SDK1: variants seen among roughly 807,000 people sequenced by gnomAD.
The protein encoded by SDK1 is protein sidekick-1.
In SDK1, 157 loss-of-function variants were observed where a neutral mutation model predicts 245.5. The observed-to-expected ratio is 0.64, with a 90% CI of 0.56 to 0.73. SDK1 has a LOEUF of 0.73. Ranked by LOEUF, SDK1 falls within the 30% of genes least tolerant of loss-of-function variation. SDK1 has a pLI of 0.00. For synonymous variants in SDK1, 1,647 were observed against 1,278.5 expected (o/e 1.29, Z -6.15); for missense variants, 3,583 against 3,002.3 (o/e 1.19, Z -4.52).
intron 1 of SDK1, among the ~76,000 whole-genome samples, chr7:3,537,182 A>G (rs1778913462): frequency 6.6e-6 from 1 of 152,164 alleles, no homozygotes; most frequent in Non-Finnish European, 1.5e-5. Flanking sequence ...ATCATCATGG[A>G]TTAGTGTTTT....
intron 1 of SDK1, among the ~76,000 whole-genome samples, chr7:3,560,577 T>A (rs533855112): frequency 6.6e-6 from 1 of 152,206 alleles, no homozygotes; most frequent in African/African-American, 2.4e-5. Context: ...ACTGGGTTTT[T>A]AGCTGGCCTG....
At chr7:3,422,126 T>TCATA (rs1779551340) in intron 1 of SDK1, among the ~76,000 whole-genome samples, 1 of 152,172 alleles carries the variant, frequency 6.6e-6, no homozygotes, top group Admixed American at 6.5e-5. Flanking sequence ...TTTCTGAATG[T>TCATA]CATAATACAG....
chr7:4,156,687 A>G (rs1490879974), intron 30 of SDK1, among the ~76,000 whole-genome samples: 2 of 152,208 alleles, frequency 1.3e-5, no homozygotes, highest in Non-Finnish European at 2.9e-5. Flanking sequence ...AAAAAGCAGA[A>G]TCCTTCCTTT....
chr7:3,527,133 T>C (rs372911440), intron 1 of SDK1, among the ~76,000 whole-genome samples: 1 of 152,260 alleles, frequency 6.6e-6, no homozygotes, highest in Non-Finnish European at 1.5e-5. Flanking sequence ...ATTTCTCTTT[T>C]ATAAAATGTT....
intron 5 of SDK1, among the ~76,000 whole-genome samples, chr7:3,929,900 G>A (rs909648447): frequency 6.6e-6 from 1 of 152,312 alleles, no homozygotes; most frequent in African/African-American, 2.4e-5. Context: ...TTCTCTTGAG[G>A]CCTCAGGAAG....
At chr7:4,160,957 A>G (rs1781074021) in intron 31 of SDK1, among the ~76,000 whole-genome samples, 1 of 152,240 alleles carries the variant, frequency 6.6e-6, no homozygotes. Flanking sequence ...TGCTAGATGC[A>G]CAAGTGTGCC....
intron 1 of SDK1, among the ~76,000 whole-genome samples, chr7:3,527,988 G>T (rs965654463): frequency 2.8e-5 from 4 of 140,664 alleles, no homozygotes; most frequent in African/African-American, 5.4e-5. Context: ...GTGAGGCTGG[G>T]TGTCAGTTAG....
At chr7:3,733,527 A>T (rs1779237661) in intron 4 of SDK1, among the ~76,000 whole-genome samples, 1 of 152,160 alleles carries the variant, frequency 6.6e-6, no homozygotes. Flanking sequence ...CTGAGCAGTG[A>T]GTGACTGTAG....
intron 40 of SDK1, among the ~76,000 whole-genome samples, chr7:4,231,869 C>G (rs1205300079): frequency 2.6e-5 from 4 of 152,094 alleles, no homozygotes; most frequent in Non-Finnish European, 4.4e-5. Flanking sequence ...AGGTTGGTTT[C>G]CGGAGCAGTC....
At chr7:4,102,522 C>A (rs566053495) in intron 22 of SDK1, among the ~76,000 whole-genome samples, 1 of 152,186 alleles carries the variant, frequency 6.6e-6, no homozygotes, top group Non-Finnish European at 1.5e-5. Flanking sequence ...CTTCCCCACA[C>A]GCAGCTGCAC....
chr7:3,603,248 A>G (rs1781307867), intron 1 of SDK1, among the ~76,000 whole-genome samples: 1 of 142,888 alleles, frequency 7.0e-6, no homozygotes, highest in Non-Finnish European at 1.5e-5. Context: ...TGGGGATGGC[A>G]TTGAATCTGT....
chr7:3,549,086 A>G (rs1424761830), intron 1 of SDK1, among the ~76,000 whole-genome samples: 1 of 152,228 alleles, frequency 6.6e-6, no homozygotes, highest in Non-Finnish European at 1.5e-5. Context: ...ACTACTTGCC[A>G]TTCAATGTAA....
chr7:4,164,107 G>A (rs1781342805), intron 32 of SDK1, among the ~76,000 whole-genome samples: 1 of 152,164 alleles, frequency 6.6e-6, no homozygotes, highest in Non-Finnish European at 1.5e-5. Context: ...TCTCCTGGTG[G>A]AACTGGAAGA....
At chr7:3,457,859 G>A (rs765239396) in intron 1 of SDK1, among the ~76,000 whole-genome samples, 3 of 152,036 alleles carry the variant, frequency 2.0e-5, no homozygotes, top group Non-Finnish European at 4.4e-5. Context: ...TTGTTTATTG[G>A]AGCACACCTT....
intron 4 of SDK1, among the ~76,000 whole-genome samples, chr7:3,700,382 T>C (rs921839233): frequency 7.2e-5 from 11 of 152,196 alleles, no homozygotes; most frequent in Non-Finnish European, 1.0e-4. Context: ...TCAAATGTAG[T>C]TCACAGTGAT....
chr7:3,374,280 G>C (rs1244270703), intron 1 of SDK1, among the ~76,000 whole-genome samples: 2 of 152,160 alleles, frequency 1.3e-5, no homozygotes, highest in African/African-American at 4.8e-5. Context: ...TTCCACTTGG[G>C]ATATGTTCCT....
At chr7:4,056,587 C>T (rs931957048) in intron 19 of SDK1, among the ~76,000 whole-genome samples, 11 of 152,096 alleles carry the variant, frequency 7.2e-5, no homozygotes, top group African/African-American at 1.9e-4. Flanking sequence ...GAGAGACCCC[C>T]GTGGTCCACA....
At chr7:3,963,730 G>C (rs1372714128) in intron 9 of SDK1, among the ~76,000 whole-genome samples, 1 of 146,812 alleles carries the variant, frequency 6.8e-6, no homozygotes, top group Non-Finnish European at 1.5e-5. Context: ...TATCCAGTGA[G>C]TACATTCAGC....
intron 4 of SDK1, among the ~76,000 whole-genome samples, chr7:3,755,540 AT>A (rs970872757): frequency 2.6e-5 from 4 of 152,098 alleles, no homozygotes; most frequent in Non-Finnish European, 4.4e-5. Context: ...AGAATACTTA[AT>A]TTTTTTAATT....
Sources: allele counts gnomAD v4.1 joint callset (sites outside exome capture counted in the v4.1 genomes callset), GRCh38; gene constraint gnomAD v4.1.1; transcripts MANE v1.5; gene names NCBI Gene and HGNC (gene_info 2026-07-23, HGNC 2026-07-21).